The following EYA4 variants were observed in gnomAD, a reference collection of about 807,000 sequenced individuals.
The protein encoded by EYA4 is protein phosphatase EYA4.
Under a neutral mutation model 87.9 loss-of-function variants are expected in EYA4, and 31 were observed. The observed-to-expected ratio is 0.35, with a 90% CI of 0.27 to 0.48. The LOEUF is 0.48. Among genes scored for constraint, EYA4 ranks in the 20% least tolerant of loss-of-function variants. The probability of loss-of-function intolerance (pLI) is 0.99; values close to 1 mark genes in which losing one functional copy is unlikely to be tolerated. For synonymous variants in EYA4, 263 were observed against 270.6 expected (o/e 0.97, Z 0.28); for missense variants, 678 against 761.4 (o/e 0.89, Z 1.29).
At chr6:133,341,549 A>G (rs1292207389) in intron 2 of EYA4, among the ~76,000 whole-genome samples, 1 of 152,204 alleles carries the variant, frequency 6.6e-6, no homozygotes, top group Non-Finnish European at 1.5e-5. Flanking sequence ...AGCTTTATGG[A>G]CTTCCAAATA....
At chr6:133,320,743 T>C (rs1036575165) in intron 2 of EYA4, among the ~76,000 whole-genome samples, 3 of 152,178 alleles carry the variant, frequency 2.0e-5, no homozygotes, top group African/African-American at 7.2e-5. Flanking sequence ...TGTGTACCCA[T>C]TGTTTAGGTC....
chr6:133,294,024 TA>T (rs1273534361), intron 2 of EYA4, among the ~76,000 whole-genome samples: 4 of 1,962 alleles, frequency 2.0e-3, no homozygotes, highest in Non-Finnish European at 4.1e-3. Context: ...AGGGTGATTT[TA>T]TATATATATA....
intron 11 of EYA4, among the ~76,000 whole-genome samples, chr6:133,474,642 T>C (rs1795566863): frequency 6.6e-6 from 1 of 152,172 alleles, no homozygotes; most frequent in African/African-American, 2.4e-5. Flanking sequence ...GTCTGGATCT[T>C]TAAAGAATTC....
chr6:133,518,665 C>T (rs1409977019), intron 17 of EYA4, among the ~76,000 whole-genome samples: 1 of 152,164 alleles, frequency 6.6e-6, no homozygotes, highest in Non-Finnish European at 1.5e-5. Context: ...TCAAAAGCCA[C>T]TTAAGCAACT....
At chr6:133,272,033 C>T (rs574210940) in intron 1 of EYA4, among the ~76,000 whole-genome samples, 7 of 152,326 alleles carry the variant, frequency 4.6e-5, no homozygotes, top group Admixed American at 3.9e-4. Flanking sequence ...GGCTACAGCC[C>T]ATGAATCAGT....
chr6:133,385,513 A>G (rs1266656030), intron 3 of EYA4, among the ~76,000 whole-genome samples: 6 of 151,726 alleles, frequency 4.0e-5, no homozygotes, highest in Non-Finnish European at 8.8e-5. Flanking sequence ...AACAAATATC[A>G]AATAAAGAAT....
chr6:133,483,671 T>A (rs1198189555), intron 13 of EYA4, among the ~76,000 whole-genome samples: 1 of 144,694 alleles, frequency 6.9e-6, no homozygotes, highest in Non-Finnish European at 1.5e-5. Flanking sequence ...ATTGTTTTTA[T>A]TTTCTCTTTT....
chr6:133,264,360 T>C (rs1776037201), intron 1 of EYA4, among the ~76,000 whole-genome samples: 1 of 152,208 alleles, frequency 6.6e-6, no homozygotes, highest in Non-Finnish European at 1.5e-5. Flanking sequence ...AGGGTAAAGC[T>C]CTGAATTGTT....
chr6:133,256,224 A>G (rs1217894393), intron 1 of EYA4, among the ~76,000 whole-genome samples: 2 of 151,238 alleles, frequency 1.3e-5, no homozygotes, highest in African/African-American at 2.4e-5. Flanking sequence ...TTATATAATT[A>G]GTTTCTCACT....
At position 133,286,583 on chromosome 6, in the gene EYA4, G is replaced by A. The variant is rs140315647; in HGVS notation, c.33+11770G>A. Among the ~76,000 whole-genome samples the A allele has an allele frequency of 1.2e-4, 19 of 152,170 alleles. No individual in the cohort carries two copies. In the East Asian group the frequency reaches 2.3e-3, roughly 19 times the overall value. On this transcript the variant is annotated intron_variant, in intron 2 of 19. Coordinates refer to ENST00000355286, the MANE Select transcript of EYA4 (RefSeq NM_004100.5). ...GGCCACATTCAGTGAATTTTCCTCC[G>A]AGGTGCTTCTTTCCAAATTTCCAAA... is the stretch of plus-strand genomic sequence containing the variant.
intron 2 of EYA4, among the ~76,000 whole-genome samples, chr6:133,381,331 G>A (rs1275982186): frequency 6.6e-6 from 1 of 152,032 alleles, no homozygotes; most frequent in African/African-American, 2.4e-5. Context: ...TAGGGTTTTT[G>A]TGAGTTTGTT....
At chr6:133,350,088 G>T (rs1241119471) in intron 2 of EYA4, among the ~76,000 whole-genome samples, 1 of 151,996 alleles carries the variant, frequency 6.6e-6, no homozygotes, top group African/African-American at 2.4e-5. Flanking sequence ...AGTGTTTCTG[G>T]CTCCCTTTGC....
intron 2 of EYA4, among the ~76,000 whole-genome samples, chr6:133,333,523 T>G (rs1007408894): frequency 2.0e-5 from 3 of 152,222 alleles, no homozygotes; most frequent in Non-Finnish European, 4.4e-5. Flanking sequence ...TGCCTATTAA[T>G]TGACTAAGAC....
intron 13 of EYA4, among the ~76,000 whole-genome samples, chr6:133,484,145 C>CTGTT (rs1214729328): frequency 2.0e-5 from 3 of 152,170 alleles, no homozygotes; most frequent in Non-Finnish European, 4.4e-5. Context: ...TAGGCAATAA[C>CTGTT]TGTTTAAGTC....
intron 17 of EYA4, among the ~76,000 whole-genome samples, chr6:133,520,148 GAGAA>G (rs1341961971): frequency 1.3e-5 from 2 of 152,064 alleles, no homozygotes; most frequent in African/African-American, 2.4e-5. Context: ...AATTAGGCAG[GAGAA>G]AGAAAGAAAG....
intron 17 of EYA4, among the ~76,000 whole-genome samples, chr6:133,522,614 T>C (rs1054335562): frequency 6.6e-6 from 1 of 152,168 alleles, no homozygotes; most frequent in Non-Finnish European, 1.5e-5. Flanking sequence ...TATATTTGTC[T>C]TTTACAAATT....
intron 11 of EYA4, among the ~76,000 whole-genome samples, chr6:133,468,941 T>G (rs1057155071): frequency 6.6e-6 from 1 of 152,070 alleles, no homozygotes; most frequent in Non-Finnish European, 1.5e-5. Context: ...GATTTTAATC[T>G]CTAAATGATG....
chr6:133,248,041 C>T (rs1000305197), intron 1 of EYA4: 2 of 152,184 alleles, frequency 1.3e-5, no homozygotes, highest in Non-Finnish European at 2.9e-5. Context: ...ATTAACCAGT[C>T]TTCAAATTCG....
chr6:133,464,937 G>T, intron 10 of EYA4, 79 bp downstream of exon 10: 2 of 851,986 alleles, frequency 2.3e-6, no homozygotes, highest in Middle Eastern at 2.2e-4. Context: ...CCATATATGT[G>T]CATACTCTCC....
Sources: allele counts gnomAD v4.1 joint callset (sites outside exome capture counted in the v4.1 genomes callset), GRCh38; gene constraint gnomAD v4.1.1; transcripts MANE v1.5; gene names NCBI Gene and HGNC (gene_info 2026-07-23, HGNC 2026-07-21).